ENTREP1: variants seen among roughly 807,000 people sequenced by gnomAD.
The protein encoded by ENTREP1 is endosomal transmembrane epsin interactor 1.
At chr9:69,344,289 A>G in the ENTREP1 span, among the ~76,000 whole-genome samples, 2 of 152,286 alleles carry the variant, frequency 1.3e-5, no homozygotes, top group South Asian at 4.1e-4. Flanking sequence ...TGTGTATGTT[A>G]AAAAACACCA....
the ENTREP1 span, among the ~76,000 whole-genome samples, chr9:69,375,340 C>T: frequency 3.3e-5 from 5 of 152,250 alleles, no homozygotes; most frequent in East Asian, 9.7e-4. Context: ...AAATGAAAAT[C>T]AGAGTGCATT....
the ENTREP1 span, among the ~76,000 whole-genome samples, chr9:69,372,419 A>G: frequency 6.6e-6 from 1 of 152,192 alleles, no homozygotes; most frequent in Non-Finnish European, 1.5e-5. Context: ...GGTACCTCAT[A>G]CAAGTAGGAT....
the ENTREP1 span, among the ~76,000 whole-genome samples, chr9:69,376,257 T>C: frequency 6.6e-6 from 1 of 152,232 alleles, no homozygotes; most frequent in East Asian, 1.9e-4. Context: ...GTCATTGTTC[T>C]GATGCTCATT....
the ENTREP1 span, among the ~76,000 whole-genome samples, chr9:69,351,721 G>A: frequency 6.6e-6 from 1 of 152,128 alleles, no homozygotes; most frequent in South Asian, 2.1e-4. Context: ...CAGCCTCCTT[G>A]ATTATTTTCT....
At chr9:69,354,645 G>A in the ENTREP1 span, among the ~76,000 whole-genome samples, 5 of 152,112 alleles carry the variant, frequency 3.3e-5, no homozygotes, top group African/African-American at 9.7e-5. Flanking sequence ...ATATTTATCT[G>A]TCCCCTTTAT....
the ENTREP1 span, among the ~76,000 whole-genome samples, chr9:69,367,257 C>T: frequency 6.6e-6 from 1 of 151,796 alleles, no homozygotes; most frequent in African/African-American, 2.4e-5. Flanking sequence ...ATAGCAGTAC[C>T]ATGCTGTTTT....
At chr9:69,375,691 T>C in the ENTREP1 span, 1 of 1,520,390 alleles carries the variant, frequency 6.6e-7, no homozygotes, top group Non-Finnish European at 9.1e-7. Flanking sequence ...CAGGGTATTT[T>C]TTCTTAATAA....
chr9:69,376,338 T>C, the ENTREP1 span, among the ~76,000 whole-genome samples: 1 of 152,118 alleles, frequency 6.6e-6, no homozygotes, highest in Non-Finnish European at 1.5e-5. Context: ...AGGAGAGAGA[T>C]TGGCCAGAAA....
the ENTREP1 span, among the ~76,000 whole-genome samples, chr9:69,390,682 C>T: frequency 2.0e-5 from 3 of 152,160 alleles, no homozygotes; most frequent in South Asian, 2.1e-4. Flanking sequence ...GTCTGTCACC[C>T]AGGCTAAAGT....
At chr9:69,338,447 GAA>G in the ENTREP1 span, among the ~76,000 whole-genome samples, 1 of 152,162 alleles carries the variant, frequency 6.6e-6, no homozygotes, top group East Asian at 1.9e-4. Context: ...TCCAAATGAT[GAA>G]AAGAGTATAA....
At chr9:69,383,788 A>G in the ENTREP1 span, 2 of 1,613,834 alleles carry the variant, frequency 1.2e-6, no homozygotes, top group Non-Finnish European at 1.7e-6. Context: ...CTCTCTAAGT[A>G]CATTGACTGC....
At chr9:69,365,894 G>A in the ENTREP1 span, among the ~76,000 whole-genome samples, 1 of 152,042 alleles carries the variant, frequency 6.6e-6, no homozygotes, top group Non-Finnish European at 1.5e-5. Flanking sequence ...ATTTCAATGT[G>A]TATATATACC....
chr9:69,367,824 A>T, the ENTREP1 span, among the ~76,000 whole-genome samples: 5 of 118,614 alleles, frequency 4.2e-5, no homozygotes, highest in South Asian at 5.3e-4. Context: ...CATATATATA[A>T]ATATATATAT....
At chr9:69,334,969 A>G in the ENTREP1 span, among the ~76,000 whole-genome samples, 1 of 152,088 alleles carries the variant, frequency 6.6e-6, no homozygotes, top group Non-Finnish European at 1.5e-5. Flanking sequence ...CATGTTGTCC[A>G]GGCTGGTCTC....
At chr9:69,377,270 C>T in the ENTREP1 span, 1 of 795,980 alleles carries the variant, frequency 1.3e-6, no homozygotes, top group Non-Finnish European at 2.2e-6. Flanking sequence ...TGAGAATTGT[C>T]TTATGGAGGC....
At chr9:69,367,703 A>AT in the ENTREP1 span, among the ~76,000 whole-genome samples, 2 of 101,658 alleles carry the variant, frequency 2.0e-5, 1 homozygote, top group Non-Finnish European at 4.1e-5. Flanking sequence ...ACATATATAT[A>AT]AATATATATA....
At chr9:69,353,522 G>T in the ENTREP1 span, among the ~76,000 whole-genome samples, 1 of 152,106 alleles carries the variant, frequency 6.6e-6, no homozygotes, top group Non-Finnish European at 1.5e-5. Flanking sequence ...ACGTTCTTCT[G>T]CATCACCATA....
the ENTREP1 span, among the ~76,000 whole-genome samples, chr9:69,346,485 G>C: frequency 2.6e-5 from 4 of 151,948 alleles, no homozygotes; most frequent in Admixed American, 6.6e-5. Flanking sequence ...CTGAACTTTG[G>C]ATAGTATCTT....
chr9:69,370,286 G>A, the ENTREP1 span, among the ~76,000 whole-genome samples: 2 of 152,194 alleles, frequency 1.3e-5, no homozygotes, highest in African/African-American at 2.4e-5. Flanking sequence ...ATCTCTTTGA[G>A]TAGCAACTGC....
Sources: gnomAD v4.1 joint callset for allele counts (sites outside exome capture counted in the v4.1 genomes callset) on GRCh38, gnomAD v4.1.1 for gene constraint, MANE v1.5 for transcripts, NCBI Gene and HGNC (gene_info 2026-07-23, HGNC 2026-07-21) for gene names.